Variants in POLR2D observed in about 807,000 individuals in gnomAD.
The protein encoded by POLR2D is DNA-directed RNA polymerase II subunit RPB4.
A neutral mutation model predicts 17.6 loss-of-function variants in POLR2D; 10 were observed. The observed-to-expected ratio is 0.57, with a 90% confidence interval of 0.35 to 0.96. POLR2D has a LOEUF of 0.96. Ranked by LOEUF, POLR2D falls within the 40% of genes least tolerant of loss-of-function variation. The probability of loss-of-function intolerance (pLI) is 0.02; values close to 1 mark genes in which losing one functional copy is unlikely to be tolerated. For synonymous variants in POLR2D, 52 were observed against 60.2 expected (o/e 0.86, Z 0.63); for missense variants, 126 against 176.4 (o/e 0.71, Z 1.62).
intron 2 of POLR2D, among the ~76,000 whole-genome samples, chr2:127,851,254 C>A (rs1436546461): frequency 6.6e-6 from 1 of 151,760 alleles, no homozygotes; most frequent in African/African-American, 2.4e-5. Flanking sequence ...ACCAAAAAAA[C>A]AAAAAACTAA....
rs1325430320 is a variant in POLR2D, at chr2:127,848,069, G to A, written c.*38C>T. On this transcript the variant is annotated 3_prime_UTR_variant, in exon 4 of 4. Transcript: ENST00000272645. The stretch of plus-strand genomic sequence containing the variant: ...CAGTGGGAAGGTGGTGTTATGCCTG[G>A]GGATGTGGTTTCTCCGAGCAGCAGT... 1.5e-6 allele frequency: 2 copies of A among 1,334,782 alleles called. No individual in the cohort carries two copies. The highest frequency in any genetic ancestry group is 2.2e-6 in the Non-Finnish European group (2 of 925,184). The allele number at this position is 1,334,782 out of a possible 1,614,324, so 82.7% of individuals were successfully genotyped here.
Position 127,847,391 on chromosome 2 carries a change from C to T in POLR2D, c.*716G>A, listed in dbSNP as rs1328936564. The T allele has an allele frequency of 1.3e-5, 2 of 152,384 alleles. No individual in the cohort carries two copies. The highest frequency in any genetic ancestry group is 4.8e-5 in the African/African-American group (2 of 41,444). 9.4% of individuals were successfully genotyped at this position (152,384 alleles called of 1,614,324 possible). A position where few individuals can be genotyped will look rare whatever the true frequency, so the allele number is the denominator to read the frequency against. On this transcript the variant is annotated 3_prime_UTR_variant, in exon 4 of 4. Coordinates refer to ENST00000272645, the MANE Select transcript of POLR2D (RefSeq NM_004805.4). The stretch of plus-strand genomic sequence containing the variant: ...AGTTGTGGTGGCTCATGCCTGTAAT[C>T]TCACCAGTTTGGGAGGCCAAGGCAG...
rs978741094 is a variant in POLR2D at position 127,845,642 on chromosome 2, T to A, written c.*2465A>T. On this transcript the variant is annotated 3_prime_UTR_variant, in exon 4 of 4. Transcript: ENST00000272645. ...CGCCTGCCTCGGCCTCTGAAAGCGC[T>A]GGGATTACAAGGGTGAGCCACCACG... The A allele has an allele frequency of 1.3e-5, 2 of 152,172 alleles. No individual in the cohort carries two copies. The highest frequency in any genetic ancestry group is 4.8e-5 in the African/African-American group (2 of 41,432). 9.4% of individuals were successfully genotyped at this position (152,172 alleles called of 1,614,324 possible). A position where few individuals can be genotyped will look rare whatever the true frequency, so the allele number is the denominator to read the frequency against.
chr2:127,858,033 G>A lies in POLR2D; in HGVS notation c.68C>T (p.Pro23Leu). The change falls in exon 1 of 4, where the codon CCT (proline) becomes CTT (leucine). Residue 23 changes from proline to leucine, a missense_variant. Pro to Leu is a moderately conservative substitution (Grantham distance 98). Transcript: ENST00000272645. ...VEEDASQLIF[P>L]KEFETAETLL... ...CTGGCAGCCCCGAGCCCAACCTTTAGGAAAGATGAGCTGTGAGGCGTCCTC... is the reference window on the plus strand; with the variant it reads ...CTGGCAGCCCCGAGCCCAACCTTTAAGAAAGATGAGCTGTGAGGCGTCCTC... 2 of 1,579,488 alleles carry A rather than the reference G, an allele frequency of 1.3e-6. No individual in the cohort carries two copies. The highest frequency in any genetic ancestry group is 1.4e-5 in the African/African-American group (1 of 71,184).
rs1164318596 is a variant in POLR2D at position 127,844,101 on chromosome 2, T to C, written c.*4006A>G. The stretch of plus-strand genomic sequence containing the variant: ...CCTGGGCGACAGAGCAAGATCCTGC[T>C]GTATCCAAAAAAAAAAAAAAAAAAA... On this transcript the variant is annotated 3_prime_UTR_variant, in exon 4 of 4. Coordinates refer to ENST00000272645, the MANE Select transcript of POLR2D (RefSeq NM_004805.4). 1 of 45,220 alleles carries C rather than the reference T, an allele frequency of 2.2e-5. No homozygotes were observed. Among genetic ancestry groups the C allele is most frequent in the Non-Finnish European group, 4.4e-5 (1 of 22,694 alleles). 2.8% of individuals were successfully genotyped at this position (45,220 alleles called of 1,614,324 possible).
intron 1 of POLR2D, 133 bp from the exon 2 acceptor site, chr2:127,853,238 T>C (rs1573520079): frequency 1.4e-6 from 1 of 695,454 alleles, no homozygotes; most frequent in East Asian, 2.6e-5. Context: ...TCTGCTTTTT[T>C]TTGAACTTTT....
At chr2:127,856,520 T>C (rs1690333831) in intron 1 of POLR2D, among the ~76,000 whole-genome samples, 1 of 145,962 alleles carries the variant, frequency 6.9e-6, no homozygotes, top group South Asian at 2.2e-4. Context: ...CTAGGAGGGG[T>C]AGGTTGCAGT....
intron 1 of POLR2D, among the ~76,000 whole-genome samples, chr2:127,853,965 G>C (rs1344706314): frequency 6.6e-6 from 1 of 152,162 alleles, no homozygotes; most frequent in African/African-American, 2.4e-5. Flanking sequence ...ACTAGTTACT[G>C]ATTTCAAGAG....
At position 127,851,538 on chromosome 2, in the gene POLR2D, C is replaced by T. The variant is rs933024994; in HGVS notation, c.255-853G>A. 2.6e-5 allele frequency among the ~76,000 whole-genome samples: 4 copies of T among 152,146 alleles called. No individual in the cohort carries two copies. The East Asian group carries it at 5.8e-4, about 22-fold the overall frequency. On this transcript the variant is annotated intron_variant, in intron 2 of 3. Coordinates refer to ENST00000272645, the MANE Select transcript of POLR2D (RefSeq NM_004805.4). The stretch of plus-strand genomic sequence containing the variant: ...ATCACTTGAGTCCAGGAGTTCAAGA[C>T]GTCTTCAGCCTGGGCAACACAGTGA...
chr2:127,853,088 T>C lies in POLR2D; in HGVS notation c.91A>G (p.Thr31Ala). The C allele has an allele frequency of 1.9e-6, 3 of 1,610,698 alleles. No homozygotes were observed. Among genetic ancestry groups the C allele is most frequent in the Non-Finnish European group, 2.5e-6 (3 of 1,178,792 alleles). Residue 31 changes from threonine (T) to alanine (A), a missense_variant, in exon 2 of 4, where the codon ACA (threonine) becomes GCA (alanine). Coordinates refer to ENST00000272645, the MANE Select transcript of POLR2D (RefSeq NM_004805.4). The stretch of plus-strand genomic sequence containing the variant: ...ATATGAACTTCTGAATTTAGAAGTG[T>C]CTCAGCTGTTTCAAACTCTATTTGT... Reference protein sequence around the residue: ...IFPKEFETAETLLNSEVHMLL... With the variant: ...IFPKEFETAEALLNSEVHMLL...
rs375801210 is a variant in POLR2D at position 127,843,614 on chromosome 2, T to C, written c.*4493A>G. On this transcript the variant is annotated 3_prime_UTR_variant, in exon 4 of 4. Transcript: ENST00000272645. ...GCAACTCATCGATGCTGAAGTCCCATCCAGTATGCTATTTTTCATGCCTCA... is the reference window on the plus strand; with the variant it reads ...GCAACTCATCGATGCTGAAGTCCCACCCAGTATGCTATTTTTCATGCCTCA... The C allele has an allele frequency of 2.6e-5, 4 of 152,506 alleles. 1 individual carries two copies. The highest frequency in any genetic ancestry group is 9.6e-5 in the African/African-American group (4 of 41,554). 9.4% of individuals were successfully genotyped at this position (152,506 alleles called of 1,614,324 possible). A position where few individuals can be genotyped will look rare whatever the true frequency, so the allele number is the denominator to read the frequency against.
intron 1 of POLR2D, among the ~76,000 whole-genome samples, chr2:127,856,667 C>CA (rs978352377): frequency 4.6e-5 from 7 of 151,548 alleles, no homozygotes; most frequent in African/African-American, 1.7e-4. Context: ...CCATAAAATA[C>CA]AAAAAACACA....
At chr2:127,857,571 A>T (rs575674831) in intron 1 of POLR2D, among the ~76,000 whole-genome samples, 1 of 152,202 alleles carries the variant, frequency 6.6e-6, no homozygotes, top group South Asian at 2.1e-4. Context: ...GTTCACACGG[A>T]CCAATCCTCC....
rs72848835 is a variant in POLR2D, at chr2:127,844,943, C to T, written c.*3164G>A. ...TGCTGGGATTACAGGTGTGAGCCAC[C>T]GCGCCCAACTGTGAGCTGCTTTTTA... is the stretch of plus-strand genomic sequence containing the variant. On this transcript the variant is annotated 3_prime_UTR_variant, in exon 4 of 4. Transcript: ENST00000272645. 9,618 of 152,266 alleles carry T rather than the reference C, an allele frequency of 0.063. 389 individuals are homozygous for T. Among genetic ancestry groups the T allele is most frequent in the Middle Eastern group, 0.19 (55 of 294 alleles). 9.4% of individuals were successfully genotyped at this position (152,266 alleles called of 1,614,324 possible).
Position 127,847,472 on chromosome 2 carries a change from C to T in POLR2D, c.*635G>A, listed in dbSNP as rs1046282848. On this transcript the variant is annotated 3_prime_UTR_variant, in exon 4 of 4. Coordinates refer to ENST00000272645, the MANE Select transcript of POLR2D (RefSeq NM_004805.4). The stretch of plus-strand genomic sequence containing the variant: ...CAGTCTGGACAGCATAGTAAAACCC[C>T]ACCTCTATAAAAAATTTTAAAAATT... 6.5e-6 allele frequency: 1 copy of T among 153,190 alleles called. No homozygotes were observed. Among genetic ancestry groups the T allele is most frequent in the African/African-American group, 2.4e-5 (1 of 41,348 alleles). The allele number at this position is 153,190 out of a possible 1,614,324, so 9.5% of individuals were successfully genotyped here.
rs41544312 is a variant in POLR2D, at chr2:127,848,235, C to T, written c.351-50G>A. 6,040 of 1,219,490 alleles carry T rather than the reference C, an allele frequency of 5.0e-3. 31 individuals are homozygous for T. Among genetic ancestry groups the T allele is most frequent in the South Asian group, 0.015 (1,183 of 77,188 alleles). 75.5% of individuals were successfully genotyped at this position (1,219,490 alleles called of 1,614,324 possible). A position where few individuals can be genotyped will look rare whatever the true frequency, so the allele number is the denominator to read the frequency against. On this transcript the variant is annotated intron_variant, in intron 3 of 3. Coordinates refer to ENST00000272645, the MANE Select transcript of POLR2D (RefSeq NM_004805.4). ...GTGATTTGGCGACTGGCAATTTCCCCGCACTCTTCTTTGAGGCGTGCTAAT... is the reference window on the plus strand; with the variant it reads ...GTGATTTGGCGACTGGCAATTTCCCTGCACTCTTCTTTGAGGCGTGCTAAT...
At chr2:127,850,093 T>C (rs1690226236) in intron 3 of POLR2D, among the ~76,000 whole-genome samples, 1 of 152,108 alleles carries the variant, frequency 6.6e-6, no homozygotes, top group Non-Finnish European at 1.5e-5. Flanking sequence ...AGCTGTTTCA[T>C]ATTTTTGCTA....
chr2:127,846,214 T>C lies in POLR2D; in HGVS notation c.*1893A>G, dbSNP rs949851248. ...GTTGCAGTGAGCCAAGATTGCGCCA[T>C]TGCATCCTGGGCAACACAGCCAGAC... On this transcript the variant is annotated 3_prime_UTR_variant, in exon 4 of 4. Transcript: ENST00000272645. 2.6e-5 allele frequency: 4 copies of C among 152,024 alleles called. No individual in the cohort carries two copies. Among genetic ancestry groups the C allele is most frequent in the South Asian group, 4.2e-4 (2 of 4,812 alleles). The allele number at this position is 152,024 out of a possible 1,614,324, so 9.4% of individuals were successfully genotyped here. A position where few individuals can be genotyped will look rare whatever the true frequency, so the allele number is the denominator to read the frequency against.
intron 1 of POLR2D, among the ~76,000 whole-genome samples, chr2:127,853,427 A>G (rs768609167): frequency 2.3e-4 from 35 of 152,094 alleles, no homozygotes; most frequent in Non-Finnish European, 3.8e-4. Flanking sequence ...CCTTCTGTCC[A>G]TATGTACTCA....
Sources: allele counts gnomAD v4.1 joint callset (sites outside exome capture counted in the v4.1 genomes callset), GRCh38; gene constraint gnomAD v4.1.1; transcripts MANE v1.5; gene names NCBI Gene and HGNC (gene_info 2026-07-23, HGNC 2026-07-21).